The following LPIN1 variants were observed in gnomAD, a reference collection of about 807,000 sequenced individuals.
The protein encoded by LPIN1 is phosphatidate phosphatase LPIN1.
Under a neutral mutation model 107.5 loss-of-function variants are expected in LPIN1, and 71 were observed. The observed-to-expected ratio is 0.66, with a 90% CI of 0.55 to 0.80. The LOEUF (loss-of-function observed/expected upper bound fraction) is 0.80, where lower values mean the gene tolerates loss of function less well. Among genes scored for constraint, LPIN1 ranks in the 30% least tolerant of loss-of-function variants. The pLI is 0.00. For missense variants in LPIN1, 1,043 were observed against 1,160.6 expected (o/e 0.90, Z 1.47); for synonymous variants, 445 against 452.6 (o/e 0.98, Z 0.21).
intron 1 of LPIN1, among the ~76,000 whole-genome samples, chr2:11,760,498 A>G (rs1262946035): frequency 1.3e-5 from 2 of 152,250 alleles, no homozygotes; most frequent in Non-Finnish European, 2.9e-5. Flanking sequence ...CGGCCAACAC[A>G]GTGAAACCCC....
chr2:11,819,705 C>A (rs1160386659), intron 19 of LPIN1, 107 bp downstream of exon 19: 11 of 873,610 alleles, frequency 1.3e-5, no homozygotes, highest in Non-Finnish European at 2.2e-5. Context: ...AGATTCTCAT[C>A]CCAGAAGCAG....
chr2:11,752,055 G>A (rs1667878994), intron 1 of LPIN1, among the ~76,000 whole-genome samples: 1 of 152,130 alleles, frequency 6.6e-6, no homozygotes, highest in Admixed American at 6.5e-5. Context: ...CAGATATTAA[G>A]TTATTTCTGA....
chr2:11,727,003 A>T (rs1664731048), intron 1 of LPIN1, among the ~76,000 whole-genome samples: 1 of 152,240 alleles, frequency 6.6e-6, no homozygotes, highest in Non-Finnish European at 1.5e-5. Flanking sequence ...TGGTGCAGAC[A>T]TGCCATGCTG....
intron 1 of LPIN1, among the ~76,000 whole-genome samples, chr2:11,752,722 C>T (rs1035647874): frequency 3.9e-5 from 6 of 152,048 alleles, no homozygotes; most frequent in African/African-American, 7.2e-5. Context: ...TGAGCCACCG[C>T]GCCCGGCCTC....
At chr2:11,796,586 G>A (rs180863240) in intron 14 of LPIN1, among the ~76,000 whole-genome samples, 1 of 152,170 alleles carries the variant, frequency 6.6e-6, no homozygotes, top group African/African-American at 2.4e-5. Context: ...GGATGCTCTT[G>A]AAACCTTTCT....
In LPIN1 at chr2:11,807,012, T is replaced by C. The variant is rs75485958; in HGVS notation, c.2249+1856T>C. On this transcript the variant is annotated intron_variant, in intron 17 of 20. Transcript: ENST00000674199. ...CATACTTTCTTTAACTCGCCCTCTA[T>C]TGATGAACGTGTAGGTAGTTGCCAC... is the stretch of plus-strand genomic sequence containing the variant. Among the ~76,000 whole-genome samples, 731 of 152,318 alleles carry C rather than the reference T, an allele frequency of 4.8e-3. 8 individuals carry two copies. The highest frequency in any genetic ancestry group is 0.017 in the African/African-American group (695 of 41,560).
At chr2:11,824,600 C>T (rs1400810954) in intron 20 of LPIN1, 32 bp from the exon 21 acceptor site, 2 of 1,613,264 alleles carry the variant, frequency 1.2e-6, no homozygotes, top group Non-Finnish European at 1.7e-6. Flanking sequence ...TGGTATCGCT[C>T]AGTGCCAGTG....
At chr2:11,809,880 G>C (rs536583325) in intron 17 of LPIN1, among the ~76,000 whole-genome samples, 2 of 152,326 alleles carry the variant, frequency 1.3e-5, no homozygotes, top group East Asian at 3.9e-4. Context: ...CCCAGAAGCG[G>C]CAGCCATTAG....
chr2:11,685,084 G>C lies in LPIN1; in HGVS notation c.81+7356G>C, dbSNP rs114655703. On this transcript the variant is annotated intron_variant, in intron 1 of 21. Transcript: ENST00000449576. ...AAAGGCAACGGGGAGCCCGAGACGGGAGGATGACGTAATTTTCAATGGGGA... is the reference window on the plus strand; with the variant it reads ...AAAGGCAACGGGGAGCCCGAGACGGCAGGATGACGTAATTTTCAATGGGGA... Among the ~76,000 whole-genome samples the C allele has an allele frequency of 9.5e-3, 1,448 of 152,324 alleles. 23 individuals are homozygous for C. The highest frequency in any genetic ancestry group is 0.033 in the African/African-American group (1,380 of 41,552).
chr2:11,714,454 A>C (rs1437357002), intron 2 of LPIN1, among the ~76,000 whole-genome samples: 4 of 151,986 alleles, frequency 2.6e-5, no homozygotes, highest in Non-Finnish European at 5.9e-5. Context: ...TCTCTGAGCC[A>C]CTGTTGTTTG....
chr2:11,747,217 G>T (rs1667094440), intron 1 of LPIN1, among the ~76,000 whole-genome samples: 1 of 152,256 alleles, frequency 6.6e-6, no homozygotes, highest in African/African-American at 2.4e-5. Context: ...GCTGAGCCCA[G>T]GTTGGAATCC....
Position 11,686,737 on chromosome 2 carries a change from C to T in LPIN1, c.81+9009C>T, listed in dbSNP as rs559209531. Among the ~76,000 whole-genome samples the T allele has an allele frequency of 2.6e-5, 4 of 152,256 alleles. No homozygotes were observed. The South Asian group carries it at 6.2e-4, about 24-fold the overall frequency. ...CGCTCACCTTCTGCTCTCATCACTC[C>T]TATGTGAGGACCCATGAATACGCCC... On this transcript the variant is annotated intron_variant, in intron 1 of 21. Transcript: ENST00000449576.
At chr2:11,809,325 T>C (rs1179447875) in intron 17 of LPIN1, among the ~76,000 whole-genome samples, 1 of 152,190 alleles carries the variant, frequency 6.6e-6, no homozygotes, top group African/African-American at 2.4e-5. Flanking sequence ...ACTTACCGTG[T>C]TTCCCGAGGT....
chr2:11,765,652 C>T lies in LPIN1; in HGVS notation c.111C>T (p.Arg37=). The T allele has an allele frequency of 6.2e-7, 1 of 1,614,160 alleles. No homozygotes were observed. Among genetic ancestry groups the T allele is most frequent in the Non-Finnish European group, 8.5e-7 (1 of 1,180,008 alleles). Residue 37 remains arginine (R), a synonymous_variant, in exon 2 of 21, where the codon CGC becomes CGT. Coordinates refer to ENST00000674199, the MANE Select transcript of LPIN1 (RefSeq NM_001349206.2). The surrounding 1 kb of genome is among the most constrained non-coding windows in gnomAD (Gnocchi z 4.4). ...LSGCIDIIVI[R]QPNGNLQCSP... ...GGTGCATTGACATCATTGTCATCCG[C>T]CAGCCCAATGGAAACCTCCAATGCT...
At chr2:11,787,021 T>G (rs1429030617) in intron 10 of LPIN1, 53 bp from the exon 11 acceptor site, 1 of 1,281,692 alleles carries the variant, frequency 7.8e-7, no homozygotes, top group Non-Finnish European at 1.1e-6. Flanking sequence ...GGCCTAATTT[T>G]GAACTGAATT....
At position 11,786,862 on chromosome 2, in the gene LPIN1, G is replaced by C. The variant is rs1572823849; in HGVS notation, c.1550-212G>C. 6.6e-6 allele frequency among the ~76,000 whole-genome samples: 1 copy of C among 152,226 alleles called. No homozygotes were observed. The highest frequency in any genetic ancestry group is 1.9e-4 in the East Asian group (1 of 5,196). Reference sequence around the variant, plus strand: ...AGGTACACGTCCCCCAACATCCTCAGCCTTGCCCTGGCCTCCCTGCATTGC... The same window carrying C: ...AGGTACACGTCCCCCAACATCCTCACCCTTGCCCTGGCCTCCCTGCATTGC... On this transcript the variant is annotated intron_variant, in intron 10 of 20. Transcript: ENST00000674199. The surrounding 1 kb of genome is among the most constrained non-coding windows in gnomAD (Gnocchi z 4.1).
At chr2:11,691,294 C>G (rs1445853782) in intron 1 of LPIN1, among the ~76,000 whole-genome samples, 1 of 152,160 alleles carries the variant, frequency 6.6e-6, no homozygotes, top group Admixed American at 6.5e-5. Flanking sequence ...AATCTGGGCT[C>G]TGAATGAAGC....
At chr2:11,716,683 T>G (rs1017013415) in intron 2 of LPIN1, among the ~76,000 whole-genome samples, 1 of 152,124 alleles carries the variant, frequency 6.6e-6, no homozygotes, top group Non-Finnish European at 1.5e-5. Context: ...TAATTCTCCA[T>G]GGACTGGAGA....
At chr2:11,735,505 T>C (rs920554313) in intron 1 of LPIN1, among the ~76,000 whole-genome samples, 1 of 152,210 alleles carries the variant, frequency 6.6e-6, no homozygotes, top group Non-Finnish European at 1.5e-5. Flanking sequence ...CCTAAGTGTC[T>C]TGTCCCTTTC....
Sources: allele counts gnomAD v4.1 joint callset (sites outside exome capture counted in the v4.1 genomes callset), GRCh38; gene constraint gnomAD v4.1.1; non-coding constraint Gnocchi (gnomAD v3.1); transcripts MANE v1.5; gene names NCBI Gene and HGNC (gene_info 2026-07-23, HGNC 2026-07-21).